ANK2: variants seen among roughly 807,000 people sequenced by gnomAD.
The protein encoded by ANK2 is ankyrin 2, also known as ankyrin-2.
A neutral mutation model predicts 360.5 loss-of-function variants in ANK2; 83 were observed. The ratio of observed to expected loss-of-function variants is 0.23; its 90% CI spans 0.19 to 0.28. ANK2 has a LOEUF of 0.28. Ranked by LOEUF, ANK2 falls within the 10% of genes least tolerant of loss-of-function variation. The pLI is 1.00. For missense variants in ANK2, 4,201 were observed against 4,795.7 expected (o/e 0.88, Z 3.66); for synonymous variants, 1,740 against 1,759.5 (o/e 0.99, Z 0.28).
At position 113,343,067 on chromosome 4, in the gene ANK2, A is replaced by G. The variant is rs1463816073; in HGVS notation, c.4173A>G (p.Pro1391=). ...IYVDCFGNLV[P]LTKSGQHHIF... ...TTGATTGTTTCGGCAACTTGGTACC[A>G]TTAACTAAAAGTGGCCAGCATCATA... is the stretch of plus-strand genomic sequence containing the variant. Residue 1391 remains proline (P), a synonymous_variant, in exon 34 of 46, where the codon CCA becomes CCG. Transcript: ENST00000357077. The G allele has an allele frequency of 1.2e-6, 2 of 1,613,964 alleles. No homozygotes were observed. Among genetic ancestry groups the G allele is most frequent in the Admixed American group, 3.3e-5 (2 of 60,026 alleles).
intron 1 of ANK2, chr4:113,141,493 C>T (rs536772031): frequency 5.9e-5 from 9 of 152,236 alleles, no homozygotes; most frequent in Admixed American, 5.2e-4. Flanking sequence ...CAACAACCAT[C>T]GAATCTAATT....
At chr4:112,753,415 G>A in the ANK2 span, among the ~76,000 whole-genome samples, 1 of 152,276 alleles carries the variant, frequency 6.6e-6, no homozygotes, top group Admixed American at 6.5e-5. Context: ...CTAGATGTTA[G>A]AGCCTACTAC....
chr4:113,218,818 A>G (rs362489), intron 4 of ANK2, among the ~76,000 whole-genome samples: 4,245 of 152,264 alleles, frequency 0.028, 98 homozygotes, highest in East Asian at 0.067. Flanking sequence ...GGCTTATTCT[A>G]AGTGGTTTAA....
intron 1 of ANK2, among the ~76,000 whole-genome samples, chr4:112,888,115 T>G (rs2078931527): frequency 6.6e-6 from 1 of 152,212 alleles, no homozygotes; most frequent in South Asian, 2.1e-4. Flanking sequence ...GTTAATTTTT[T>G]AAAGATGGTT....
At chr4:112,783,955 G>C in the ANK2 span, among the ~76,000 whole-genome samples, 3 of 151,866 alleles carry the variant, frequency 2.0e-5, no homozygotes, top group Admixed American at 6.6e-5. Context: ...GGCTTATGTT[G>C]ATATATTTTT....
At chr4:113,193,267 A>AC (rs1232361863) in intron 2 of ANK2, among the ~76,000 whole-genome samples, 1 of 152,232 alleles carries the variant, frequency 6.6e-6, no homozygotes, top group East Asian at 1.9e-4. Context: ...CTCTTGGATC[A>AC]CCTATAGTTT....
intron 2 of ANK2, among the ~76,000 whole-genome samples, chr4:112,977,540 A>G (rs1453165452): frequency 2.0e-5 from 3 of 151,682 alleles, no homozygotes; most frequent in African/African-American, 7.3e-5. Flanking sequence ...GAATAAATAA[A>G]TTAAAAAAAA....
chr4:112,948,001 T>G (rs764293868), intron 2 of ANK2, among the ~76,000 whole-genome samples: 12 of 152,244 alleles, frequency 7.9e-5, no homozygotes, highest in African/African-American at 2.9e-4. Flanking sequence ...CTCTGAGCAC[T>G]CTTCCCTCCT....
At chr4:113,156,519 C>T (rs935160359) in intron 1 of ANK2, among the ~76,000 whole-genome samples, 5 of 151,604 alleles carry the variant, frequency 3.3e-5, no homozygotes, top group Non-Finnish European at 5.9e-5. Flanking sequence ...TACAGGTGCA[C>T]GCCACCACAT....
chr4:113,117,100 G>A (rs1362986282), intron 1 of ANK2: 9 of 362,528 alleles, frequency 2.5e-5, no homozygotes, highest in Non-Finnish European at 3.8e-5. Context: ...GTGAGTTGTG[G>A]GTGCTGCAGA....
At chr4:113,289,560 G>A (rs900114047) in intron 20 of ANK2, among the ~76,000 whole-genome samples, 2 of 152,152 alleles carry the variant, frequency 1.3e-5, no homozygotes, top group East Asian at 3.9e-4. Context: ...AAATTAGTGT[G>A]AGCACATTCA....
At chr4:112,748,729 A>G in the ANK2 span, among the ~76,000 whole-genome samples, 2 of 152,198 alleles carry the variant, frequency 1.3e-5, no homozygotes. Context: ...CCCTGAGGCA[A>G]GGCAATTGAA....
At chr4:113,348,941 A>G (rs1563956359) in intron 36 of ANK2, among the ~76,000 whole-genome samples, 1 of 152,150 alleles carries the variant, frequency 6.6e-6, no homozygotes, top group Non-Finnish European at 1.5e-5. Flanking sequence ...AAAGAGTTTG[A>G]TAAACACTGA....
chr4:113,295,792 A>G (rs999694632), intron 22 of ANK2, among the ~76,000 whole-genome samples: 4 of 152,154 alleles, frequency 2.6e-5, no homozygotes, highest in Non-Finnish European at 5.9e-5. Context: ...TTTAATGGTT[A>G]CATGTTTCGA....
At chr4:112,742,733 T>TG in the ANK2 span, among the ~76,000 whole-genome samples, 1 of 151,950 alleles carries the variant, frequency 6.6e-6, no homozygotes, top group Admixed American at 6.6e-5. Flanking sequence ...CATCTTCTTT[T>TG]TTTTTTTTTG....
At chr4:112,888,124 T>G (rs1170988198) in intron 1 of ANK2, among the ~76,000 whole-genome samples, 2 of 152,190 alleles carry the variant, frequency 1.3e-5, no homozygotes, top group African/African-American at 4.8e-5. Flanking sequence ...TTAAAGATGG[T>G]TTTAGCTGTT....
In ANK2 at chr4:113,358,330, G is replaced by T. The variant is rs2095945643; in HGVS notation, c.9712G>T (p.Gly3238Cys). 1.2e-6 allele frequency: 2 copies of T among 1,613,512 alleles called. No individual in the cohort carries two copies. The highest frequency in any genetic ancestry group is 1.7e-6 in the Non-Finnish European group (2 of 1,179,726). ...AACGGGTGATATACCTCCTCTCTCT[G>T]GTGTAAAGCAGATATCCTGCCCCGA... is the stretch of plus-strand genomic sequence containing the variant. ...VQTGDIPPLS[G>C]VKQISCPDSS... Residue 3238 changes from glycine (G) to cysteine (C), a missense_variant, in exon 38 of 46, where the codon GGT (glycine) becomes TGT (cysteine). Coordinates refer to ENST00000357077, the MANE Select transcript of ANK2 (RefSeq NM_001148.6).
At chr4:113,286,476 T>G (rs957288489) in intron 18 of ANK2, among the ~76,000 whole-genome samples, 20 of 152,152 alleles carry the variant, frequency 1.3e-4, no homozygotes, top group Non-Finnish European at 2.5e-4. Flanking sequence ...TGAAATAAGG[T>G]CAGTGTCCTT....
At chr4:113,345,553 A>G (rs1207013376) in intron 34 of ANK2, among the ~76,000 whole-genome samples, 2 of 152,206 alleles carry the variant, frequency 1.3e-5, no homozygotes, top group Non-Finnish European at 2.9e-5. Flanking sequence ...AAATTTGCTA[A>G]GAGATCTCAA....
Sources: gnomAD v4.1 joint callset for allele counts (sites outside exome capture counted in the v4.1 genomes callset) on GRCh38, gnomAD v4.1.1 for gene constraint, MANE v1.5 for transcripts, NCBI Gene and HGNC (gene_info 2026-07-23, HGNC 2026-07-21) for gene names.